The following GDAP1L1 variants were observed in gnomAD, a reference collection of about 807,000 sequenced individuals.
GDAP1L1 encodes the protein ganglioside induced differentiation associated protein 1 like 1.
In GDAP1L1, 21 loss-of-function variants were observed where a neutral mutation model predicts 37.1. The ratio of observed to expected loss-of-function variants is 0.57; its 90% CI spans 0.40 to 0.81. The LOEUF (loss-of-function observed/expected upper bound fraction) is 0.81. GDAP1L1 is among the 40% of genes least tolerant of loss of function. The pLI is 0.00. For synonymous variants in GDAP1L1, 193 were observed against 209.1 expected (o/e 0.92, Z 0.67); for missense variants, 362 against 491.6 (o/e 0.74, Z 2.49).
intron 1 of GDAP1L1, among the ~76,000 whole-genome samples, chr20:44,252,775 A>C (rs1042378823): frequency 6.6e-5 from 10 of 150,972 alleles, no homozygotes; most frequent in African/African-American, 2.4e-4. Context: ...GTGAGCTGAG[A>C]TTGCACCATT....
chr20:44,264,993 A>G lies in GDAP1L1; in HGVS notation c.760+434A>G, dbSNP rs1011968985. The stretch of plus-strand genomic sequence containing the variant: ...GGTCCAGTGTTGTTTCCAGCATGTC[A>G]CAACTGATACCACAAGCACAAGACC... On this transcript the variant is annotated intron_variant, in intron 5 of 5. Transcript: ENST00000342560. 3.0e-6 allele frequency: 3 copies of G among 985,062 alleles called. No individual in the cohort carries two copies. In the African/African-American group the frequency reaches 5.2e-5, roughly 17 times the overall value. The allele number at this position is 985,062 out of a possible 1,614,324, so 61.0% of individuals were successfully genotyped here. A position where few individuals can be genotyped will look rare whatever the true frequency, so the allele number is the denominator to read the frequency against.
At chr20:44,278,467 A>G (rs2062607628) in intron 5 of GDAP1L1, among the ~76,000 whole-genome samples, 1 of 152,132 alleles carries the variant, frequency 6.6e-6, no homozygotes, top group Non-Finnish European at 1.5e-5. Context: ...TGCAGCCTCC[A>G]TCTCCCAGGT....
At chr20:44,268,040 C>T (rs1482758818) in intron 5 of GDAP1L1, among the ~76,000 whole-genome samples, 2 of 152,360 alleles carry the variant, frequency 1.3e-5, no homozygotes, top group Non-Finnish European at 1.5e-5. Flanking sequence ...ACTGGCTGGG[C>T]CCACATGGCC....
At chr20:44,276,392 A>G (rs971782665) in intron 5 of GDAP1L1, among the ~76,000 whole-genome samples, 88 of 137,590 alleles carry the variant, frequency 6.4e-4, no homozygotes, top group African/African-American at 2.2e-3. Flanking sequence ...GGAAAAGAAA[A>G]GAAAGGGAAA....
intron 2 of GDAP1L1, chr20:44,258,209 C>T: frequency 1.4e-6 from 1 of 718,546 alleles, no homozygotes; most frequent in Non-Finnish European, 2.6e-6. Flanking sequence ...GGCAGCAAGT[C>T]TGGAGCTGAG....
rs768810134 is a variant in GDAP1L1 at position 44,279,120 on chromosome 20, C to A, written c.924C>A (p.Arg308=). 1 of 1,614,216 alleles carries A rather than the reference C, an allele frequency of 6.2e-7. No homozygotes were observed. The highest frequency in any genetic ancestry group is 1.7e-5 in the Admixed American group (1 of 60,028). Residue 308 remains arginine (R), a synonymous_variant, in exon 6 of 6, where the codon CGC becomes CGA. Coordinates refer to ENST00000342560, the MANE Select transcript of GDAP1L1 (RefSeq NM_024034.6). ...LQSFFERVQR[R]FAFRKVLGDI... ...CCTTCTTTGAGAGGGTCCAGAGACG[C>A]TTTGCCTTCCGGAAAGTCCTGGGTG...
chr20:44,271,805 C>A (rs1311917507), intron 5 of GDAP1L1, among the ~76,000 whole-genome samples: 1 of 152,034 alleles, frequency 6.6e-6, no homozygotes, highest in Admixed American at 6.5e-5. Flanking sequence ...CAGGCAGGGG[C>A]CCCGTAGAAA....
chr20:44,278,101 C>T (rs547348855), intron 5 of GDAP1L1, among the ~76,000 whole-genome samples: 32 of 145,618 alleles, frequency 2.2e-4, no homozygotes, highest in African/African-American at 7.7e-4. Context: ...TTGCAGTGAG[C>T]TTAGATTGTG....
At chr20:44,276,405 A>AGG (rs2062575691) in intron 5 of GDAP1L1, among the ~76,000 whole-genome samples, 64 of 138,340 alleles carry the variant, frequency 4.6e-4, no homozygotes, top group African/African-American at 1.6e-3. Context: ...AAGGGAAAGA[A>AGG]AAAAGAAAAA....
chr20:44,256,797 CT>C (rs2073556636), intron 1 of GDAP1L1, among the ~76,000 whole-genome samples: 1 of 152,160 alleles, frequency 6.6e-6, no homozygotes, highest in African/African-American at 2.4e-5. Context: ...TGGGTTGGTA[CT>C]GTTAATACTA....
intron 3 of GDAP1L1, among the ~76,000 whole-genome samples, chr20:44,259,392 A>G (rs1600539671): frequency 6.6e-6 from 1 of 152,128 alleles, no homozygotes; most frequent in East Asian, 1.9e-4. Context: ...GTCCCCCTCA[A>G]AGGAATGTGG....
At position 44,247,525 on chromosome 20, in the gene GDAP1L1, G is replaced by A; in HGVS notation, c.180+11G>A. On this transcript the variant is annotated intron_variant, in intron 1 of 5. Coordinates refer to ENST00000342560, the MANE Select transcript of GDAP1L1 (RefSeq NM_024034.6). ...TTCAGCTCGCAGAAGGTAGAGCCGG[G>A]CCGGGAGCCGCCTGCGCCGGTGGCC... 7 of 1,481,916 alleles carry A rather than the reference G, an allele frequency of 4.7e-6. No homozygotes were observed. The highest frequency in any genetic ancestry group is 6.3e-6 in the Non-Finnish European group (7 of 1,113,548). The allele number at this position is 1,481,916 out of a possible 1,614,324, so 91.8% of individuals were successfully genotyped here. A position where few individuals can be genotyped will look rare whatever the true frequency, so the allele number is the denominator to read the frequency against.
intron 5 of GDAP1L1, among the ~76,000 whole-genome samples, chr20:44,266,320 C>CA (rs34665372): frequency 0.014 from 1,906 of 137,902 alleles, 27 homozygotes; most frequent in African/African-American, 0.043. Context: ...GCCCCCCAAC[C>CA]AAAAAAAAAA....
rs1555799438 is a variant in GDAP1L1, at chr20:44,258,966, G to GC, written c.547+367dup. 7.0e-3 allele frequency among the ~76,000 whole-genome samples: 693 copies of GC among 99,578 alleles called. 6 individuals are homozygous for GC. Among genetic ancestry groups the GC allele is most frequent in the African/African-American group, 0.022 (630 of 28,958 alleles). 65.3% of individuals were successfully genotyped at this position (99,578 alleles called of 152,430 possible). ...CTCCCCTGTCCCCTACTCTTGTCCT[G>GC]CCCCCCCCATACACAGACTATGGGG... On this transcript the variant is annotated intron_variant, in intron 3 of 5. Coordinates refer to ENST00000342560, the MANE Select transcript of GDAP1L1 (RefSeq NM_024034.6).
intron 5 of GDAP1L1, among the ~76,000 whole-genome samples, chr20:44,275,676 G>C (rs746238572): frequency 6.6e-6 from 1 of 152,152 alleles, no homozygotes; most frequent in Non-Finnish European, 1.5e-5. Flanking sequence ...AGGGCTTAAC[G>C]TCTAGGCACA....
At chr20:44,256,143 T>C (rs2073538413) in intron 1 of GDAP1L1, among the ~76,000 whole-genome samples, 1 of 152,180 alleles carries the variant, frequency 6.6e-6, no homozygotes. Context: ...GCTGCTGAAT[T>C]GCTGTGTGAC....
chr20:44,263,119 T>A, intron 3 of GDAP1L1, 111 bp from the exon 4 acceptor site: 1 of 812,196 alleles, frequency 1.2e-6, no homozygotes, highest in Middle Eastern at 2.6e-4. Context: ...GTCGACAGTA[T>A]TACTCTTCTG....
intron 1 of GDAP1L1, among the ~76,000 whole-genome samples, chr20:44,254,885 G>A (rs897071481): frequency 1.3e-5 from 2 of 152,218 alleles, no homozygotes; most frequent in African/African-American, 4.8e-5. Context: ...ACCAGGGTGT[G>A]TGTGTGGTGT....
At position 44,279,400 on chromosome 20, in the gene GDAP1L1, C is replaced by A; in HGVS notation, c.*100C>A. Reference sequence around the variant, plus strand: ...CACTGTCTCATGAACACTTGGACAGCCCTCCCCGCCCTTCGTTCTGAGTAA... The same window carrying A: ...CACTGTCTCATGAACACTTGGACAGACCTCCCCGCCCTTCGTTCTGAGTAA... On this transcript the variant is annotated 3_prime_UTR_variant, in exon 6 of 6. Coordinates refer to ENST00000342560, the MANE Select transcript of GDAP1L1 (RefSeq NM_024034.6). 1.3e-6 allele frequency: 1 copy of A among 780,174 alleles called. No individual in the cohort carries two copies. Among genetic ancestry groups the A allele is most frequent in the Non-Finnish European group, 2.3e-6 (1 of 443,580 alleles). The allele number at this position is 780,174 out of a possible 1,614,324, so 48.3% of individuals were successfully genotyped here. A position where few individuals can be genotyped will look rare whatever the true frequency, so the allele number is the denominator to read the frequency against.
Sources: gnomAD v4.1 joint callset for allele counts (sites outside exome capture counted in the v4.1 genomes callset) on GRCh38, gnomAD v4.1.1 for gene constraint, MANE v1.5 for transcripts, NCBI Gene and HGNC (gene_info 2026-07-23, HGNC 2026-07-21) for gene names.